Variants in PLEKHA7 observed in about 807,000 individuals in gnomAD.
The protein encoded by PLEKHA7 is pleckstrin homology domain-containing family A member 7.
PLEKHA7 carries 104 observed loss-of-function variants against 170.0 expected under a neutral mutation model. That is an observed-to-expected ratio of 0.61 (90% CI 0.52 to 0.72). PLEKHA7 has a LOEUF of 0.72. PLEKHA7 is among the 30% of genes least tolerant of loss of function. The pLI, the probability that PLEKHA7 is intolerant of heterozygous loss-of-function variation, is 0.00. For synonymous variants in PLEKHA7, 648 were observed against 660.8 expected (o/e 0.98, Z 0.30); for missense variants, 1,615 against 1,671.7 (o/e 0.97, Z 0.59).
At chr11:16,831,063 T>C (rs553898926) in intron 9 of PLEKHA7, among the ~76,000 whole-genome samples, 1 of 152,352 alleles carries the variant, frequency 6.6e-6, no homozygotes, top group South Asian at 2.1e-4. Flanking sequence ...GCAGAGCGAA[T>C]GGCAGTCAGC....
chr11:16,988,115 T>G (rs1423520569), intron 3 of PLEKHA7, among the ~76,000 whole-genome samples: 1 of 152,220 alleles, frequency 6.6e-6, no homozygotes, highest in African/African-American at 2.4e-5. Context: ...GTGATCCCCT[T>G]TCACAGAGAA....
chr11:16,976,594 G>A (rs1423181446), intron 3 of PLEKHA7, among the ~76,000 whole-genome samples: 1 of 152,200 alleles, frequency 6.6e-6, no homozygotes, highest in Admixed American at 6.5e-5. Context: ...TCTTATGAAG[G>A]TGGTTGGACT....
chr11:16,989,279 C>T (rs1304149451), intron 3 of PLEKHA7, among the ~76,000 whole-genome samples: 1 of 152,220 alleles, frequency 6.6e-6, no homozygotes, highest in Non-Finnish European at 1.5e-5. Context: ...GGAATCAGAC[C>T]TGGACTAGAA....
At chr11:16,785,619 T>C (rs557527816) in intron 24 of PLEKHA7, among the ~76,000 whole-genome samples, 2 of 152,260 alleles carry the variant, frequency 1.3e-5, no homozygotes, top group South Asian at 4.1e-4. Context: ...TCCCCTTGGG[T>C]AGAGACATTT....
chr11:16,824,479 T>C (rs541565139), intron 10 of PLEKHA7, among the ~76,000 whole-genome samples: 33 of 152,372 alleles, frequency 2.2e-4, no homozygotes, highest in African/African-American at 7.2e-4. Context: ...TTATTATGCA[T>C]TGCATGCCTG....
chr11:16,906,504 G>T (rs1200955356), intron 3 of PLEKHA7, among the ~76,000 whole-genome samples: 2 of 139,852 alleles, frequency 1.4e-5, no homozygotes, highest in African/African-American at 6.2e-5. Flanking sequence ...TATTTTTTTG[G>T]TGGAGACGGG....
At chr11:16,930,771 AT>A (rs1302755500) in intron 3 of PLEKHA7, among the ~76,000 whole-genome samples, 1 of 152,240 alleles carries the variant, frequency 6.6e-6, no homozygotes, top group East Asian at 1.9e-4. Context: ...GGGAATTTTG[AT>A]CATTCCAGAA....
chr11:16,858,015 G>A (rs903968442), intron 4 of PLEKHA7, among the ~76,000 whole-genome samples: 2 of 152,142 alleles, frequency 1.3e-5, no homozygotes, highest in Admixed American at 1.3e-4. Context: ...CACAGCACCT[G>A]GCCTGTTTGG....
At chr11:16,781,555 C>T (rs534431379) in intron 26 of PLEKHA7, among the ~76,000 whole-genome samples, 1 of 152,266 alleles carries the variant, frequency 6.6e-6, no homozygotes, top group African/African-American at 2.4e-5. Flanking sequence ...CTCCTGCATC[C>T]CTAATCCCAG....
intron 13 of PLEKHA7, among the ~76,000 whole-genome samples, chr11:16,811,460 C>T (rs575603474): frequency 2.6e-5 from 4 of 152,184 alleles, no homozygotes; most frequent in South Asian, 2.1e-4. Context: ...GGCTGAGGAA[C>T]GGGGATATGG....
At chr11:16,899,844 G>C (rs1453800837) in intron 3 of PLEKHA7, among the ~76,000 whole-genome samples, 4 of 152,216 alleles carry the variant, frequency 2.6e-5, no homozygotes, top group African/African-American at 4.8e-5. Flanking sequence ...TAAGTGGTAA[G>C]GGCATGAACT....
intron 3 of PLEKHA7, among the ~76,000 whole-genome samples, chr11:16,951,306 G>C (rs959997913): frequency 6.6e-6 from 1 of 151,982 alleles, no homozygotes; most frequent in Admixed American, 6.6e-5. Flanking sequence ...GAGTGAATAG[G>C]GATGGCTGAG....
At chr11:16,822,664 G>C (rs1850327327) in intron 10 of PLEKHA7, among the ~76,000 whole-genome samples, 1 of 152,128 alleles carries the variant, frequency 6.6e-6, no homozygotes, top group African/African-American at 2.4e-5. Flanking sequence ...TCCTTCAGGT[G>C]ACTTAGCTTT....
rs138102766 is a variant in PLEKHA7 at position 16,981,416 on chromosome 11, G to T, written c.221+32573C>A. The stretch of plus-strand genomic sequence containing the variant: ...CAGTTGGCCTGACTTCAGAGCCAGT[G>T]TTCCTGACCACCCTGGTCCACGGAA... On this transcript the variant is annotated intron_variant, in intron 3 of 26. Transcript: ENST00000531066. 7.9e-3 allele frequency among the ~76,000 whole-genome samples: 1,204 copies of T among 152,292 alleles called. 7 individuals are homozygous for T. Among genetic ancestry groups the T allele is most frequent in the Admixed American group, 0.017 (258 of 15,296 alleles).
intron 3 of PLEKHA7, among the ~76,000 whole-genome samples, chr11:16,941,947 T>C (rs1241886481): frequency 6.6e-6 from 1 of 152,242 alleles, no homozygotes; most frequent in Non-Finnish European, 1.5e-5. Flanking sequence ...TCCACTGCCT[T>C]GTTCACTGCT....
chr11:16,797,423 C>T lies in PLEKHA7; in HGVS notation c.2410-2405G>A, dbSNP rs74612564. 5.0e-3 allele frequency among the ~76,000 whole-genome samples: 759 copies of T among 152,314 alleles called. 4 individuals carry two copies. Among genetic ancestry groups the T allele is most frequent in the African/African-American group, 0.017 (727 of 41,562 alleles). On this transcript the variant is annotated intron_variant, in intron 17 of 26. Transcript: ENST00000531066. ...ACCTGCCCAATACTGCTCATTGATCCATCCCTACAGGGCCTGGCACTTAGC... is the reference window on the plus strand; with the variant it reads ...ACCTGCCCAATACTGCTCATTGATCTATCCCTACAGGGCCTGGCACTTAGC...
At position 16,854,962 on chromosome 11, in the gene PLEKHA7, A is replaced by C. The variant is rs773322315; in HGVS notation, c.449T>G (p.Phe150Cys). The C allele has an allele frequency of 5.5e-5, 89 of 1,614,014 alleles. 1 individual carries two copies. Among genetic ancestry groups the C allele is most frequent in the Non-Finnish European group, 7.0e-5 (83 of 1,180,024 alleles). ...IIKSSSKVHS[F>C]GKRDQAIRRN... is the part of the protein sequence containing the mutation. ...CCGAATGGCCTGGTCTCTCTTCCCA[A>C]AGCTGTGGACTTTACTGCTGGACTT... Residue 150 changes from phenylalanine to cysteine, a missense_variant, in exon 6 of 27, where the codon TTT becomes TGT. Phe to Cys is a radical substitution (Grantham distance 205, BLOSUM62 -2). Transcript: ENST00000531066.
chr11:16,906,224 T>TAGGAAGGAAGGA (rs199992587), intron 3 of PLEKHA7, among the ~76,000 whole-genome samples: 5,618 of 115,930 alleles, frequency 0.048, 231 homozygotes, highest in East Asian at 0.074. Context: ...TAAAATGAGG[T>TAGGAAGGAAGGA]AGGAAGGAAG....
At chr11:16,925,461 G>A (rs1859446514) in intron 3 of PLEKHA7, among the ~76,000 whole-genome samples, 1 of 152,144 alleles carries the variant, frequency 6.6e-6, no homozygotes, top group African/African-American at 2.4e-5. Context: ...AGGAGCCCGT[G>A]CACCCTGCGC....
Sources: allele counts gnomAD v4.1 joint callset (sites outside exome capture counted in the v4.1 genomes callset), GRCh38; gene constraint gnomAD v4.1.1; transcripts MANE v1.5; gene names NCBI Gene and HGNC (gene_info 2026-07-23, HGNC 2026-07-21).